Variants in AKAP4 observed in about 807,000 individuals in gnomAD.
The protein encoded by AKAP4 is A-kinase anchoring protein 4.
In AKAP4, 4 loss-of-function variants were observed where a neutral mutation model predicts 42.6. The observed-to-expected ratio is 0.09, with a 90% CI of 0.05 to 0.22. The LOEUF (loss-of-function observed/expected upper bound fraction) is 0.22, where lower values mean the gene tolerates loss of function less well. Ranked by LOEUF, AKAP4 falls within the 10% of genes least tolerant of loss-of-function variation. The probability of loss-of-function intolerance (pLI) is 1.00; values close to 1 mark genes in which losing one functional copy is unlikely to be tolerated. For missense variants in AKAP4, 551 were observed against 630.7 expected (o/e 0.87, Z 1.35); for synonymous variants, 223 against 233.0 (o/e 0.96, Z 0.39).
chrX:50,193,070 G>C lies in AKAP4; in HGVS notation c.1643C>G (p.Ala548Gly), dbSNP rs1557203899. The C allele has an allele frequency of 1.7e-6, 2 of 1,211,843 alleles. No individual in the cohort carries two copies. The highest frequency in any genetic ancestry group is 4.3e-5 in the Admixed American group (2 of 46,027). The part of the protein sequence containing the change: ...DSLAKDLIVS[A>G]LKLIQYHLTQ... The stretch of plus-strand genomic sequence containing the variant: ...CAGATGGTACTGGATCAGCTTAAGG[G>C]CAGAGACAATCAGGTCCTTGGCCAG... The change falls in exon 5 of 6, where the codon GCC becomes GGC. Residue 548 changes from alanine to glycine, a missense_variant. Transcript: ENST00000358526.
Position 50,193,952 on chromosome X carries a change from G to A in AKAP4, c.761C>T (p.Ser254Phe). 1 of 1,211,520 alleles carries A rather than the reference G, an allele frequency of 8.3e-7. No homozygotes were observed. Among genetic ancestry groups the A allele is most frequent in the East Asian group, 3.0e-5 (1 of 33,829 alleles). ...SKCLHHSICPSPGNKERISPR... is the reference protein window; with the variant it reads ...SKCLHHSICPFPGNKERISPR... ...ACTGATTCTCTCTTTGTTCCCAGGGGATGGACAGATTGAATGATGAAGGCA... is the reference window on the plus strand; with the variant it reads ...ACTGATTCTCTCTTTGTTCCCAGGGAATGGACAGATTGAATGATGAAGGCA... The change falls in exon 5 of 6, where the codon TCC becomes TTC. Residue 254 changes from serine (S) to phenylalanine (F), a missense_variant. By Grantham distance (155) the Ser-to-Phe change is radical (BLOSUM62 -2). Coordinates refer to ENST00000358526, the MANE Select transcript of AKAP4 (RefSeq NM_003886.3).
intron 1 of AKAP4, chrX:50,200,110 A>G (rs1935244499): frequency 2.1e-6 from 1 of 468,104 alleles, no homozygotes; most frequent in South Asian, 1.1e-4. Flanking sequence ...CAAGAGCTAC[A>G]TAGGGAACAC....
At chrX:50,197,649 T>C in intron 2 of AKAP4, 55 bp from the exon 3 acceptor site, 1 of 1,067,798 alleles carries the variant, frequency 9.4e-7, no homozygotes, top group Non-Finnish European at 1.3e-6. Flanking sequence ...GGGGCATAAT[T>C]TCTCTTTCTT....
At chrX:50,191,809 G>A (rs958914432) in intron 5 of AKAP4, among the ~76,000 whole-genome samples, 6 of 110,341 alleles carry the variant, frequency 5.4e-5, no homozygotes, top group African/African-American at 2.0e-4. Context: ...AAGGAGACAG[G>A]ACTCTCAGGG....
intron 4 of AKAP4, among the ~76,000 whole-genome samples, chrX:50,195,822 C>A (rs1935183448): frequency 9.0e-6 from 1 of 110,542 alleles, no homozygotes; most frequent in Admixed American, 9.7e-5. Context: ...TATGTGTATA[C>A]CTATGCCTGT....
Position 50,193,870 on chromosome X carries a change from C to T in AKAP4, c.843G>A (p.Leu281=), listed in dbSNP as rs782543369. Residue 281 remains leucine (L), a synonymous_variant, in exon 5 of 6, where the codon CTG becomes CTA. Coordinates refer to ENST00000358526, the MANE Select transcript of AKAP4 (RefSeq NM_003886.3). ...CAGTGCCACGCATTTCTGCAGCTGT[C>T]AGTTCCACAGCTTCATAGGCCATTT... ...ASEMAYEAVE[L]TAAEMRGTGE... is the part of the protein sequence containing the mutation. 1.2e-5 allele frequency: 15 copies of T among 1,211,753 alleles called. No individual in the cohort carries two copies. The highest frequency in any genetic ancestry group is 1.7e-5 in the Non-Finnish European group (15 of 895,413).
At position 50,196,989 on chromosome X, in the gene AKAP4, C is replaced by G; in HGVS notation, c.178G>C (p.Ala60Pro). ...TTGCCTTCTGAGCTGGAACTAGCAG[C>G]ATCCTATGGAATTAAAGGGTGAGAT... The part of the protein sequence containing the change: ...LNVEDKDYKD[A>P]ASSSSEGNLN... The change falls in exon 4 of 6, where the codon GCT becomes CCT. Residue 60 changes from alanine to proline, a missense_variant. Coordinates refer to ENST00000358526, the MANE Select transcript of AKAP4 (RefSeq NM_003886.3). The G allele has an allele frequency of 8.4e-7, 1 of 1,188,445 alleles. No homozygotes were observed. Among genetic ancestry groups the G allele is most frequent in the Non-Finnish European group, 1.1e-6 (1 of 874,342 alleles).
At position 50,190,983 on chromosome X, in the gene AKAP4, C is replaced by T. The variant is rs142609603; in HGVS notation, c.2542G>A (p.Asp848Asn). 37 of 1,208,210 alleles carry T rather than the reference C, an allele frequency of 3.1e-5. No individual in the cohort carries two copies. The African/African-American group carries it at 6.2e-4, about 20-fold the overall frequency. Residue 848 changes from aspartate to asparagine, a missense_variant, in exon 6 of 6, where the codon GAC becomes AAC. By Grantham distance (23) the Asp-to-Asn change is conservative (BLOSUM62 1). Coordinates refer to ENST00000358526, the MANE Select transcript of AKAP4 (RefSeq NM_003886.3). ...GCTCACAGGTTAGCGAGCAGCCAGT[C>T]CAGCAACTGTTTCCTGGCCACCTTT... ...VGKVARKQLL[D>N]WLLANL
At chrX:50,194,744 A>T (rs782644490) in intron 4 of AKAP4, among the ~76,000 whole-genome samples, 12 of 111,319 alleles carry the variant, frequency 1.1e-4, no homozygotes, top group Admixed American at 6.7e-4. Context: ...GCATGGAAAT[A>T]TAGCAGTTCA....
intron 1 of AKAP4, chrX:50,200,476 G>T: frequency 1.6e-6 from 1 of 607,184 alleles, no homozygotes; most frequent in Non-Finnish European, 2.0e-6. Flanking sequence ...AGGTGGGCAT[G>T]TTGGCAAACT....
intron 5 of AKAP4, among the ~76,000 whole-genome samples, chrX:50,191,664 G>GAGAGAA (rs1490949426): frequency 4.5e-5 from 1 of 22,464 alleles, no homozygotes; most frequent in East Asian, 2.4e-3. Context: ...GTGTGTGAGA[G>GAGAGAA]AGAGAAAGAG....
At position 50,198,593 on chromosome X, in the gene AKAP4, C is replaced by T. The variant is rs1935220542; in HGVS notation, c.123+64G>A. The T allele has an allele frequency of 4.6e-6, 4 of 868,539 alleles. 1 individual carries two copies. Among genetic ancestry groups the T allele is most frequent in the Admixed American group, 4.9e-5 (2 of 40,776 alleles). The allele number at this position is 868,539 out of a possible 1,213,427, so 71.6% of individuals were successfully genotyped here. A position where few individuals can be genotyped will look rare whatever the true frequency, so the allele number is the denominator to read the frequency against. On this transcript the variant is annotated intron_variant, in intron 2 of 5. Transcript: ENST00000358526. ...TCGTCCATTAGTTTATCTTGGGCCC[C>T]AGGATATCTATACCCATATGCCAAT...
chrX:50,197,261 T>A lies in AKAP4; in HGVS notation c.175-269A>T, dbSNP rs186535169. On this transcript the variant is annotated intron_variant, in intron 3 of 5. Coordinates refer to ENST00000358526, the MANE Select transcript of AKAP4 (RefSeq NM_003886.3). Reference sequence around the variant, plus strand: ...CACCCTTTGGATGGGTTTTTTTTTTTAAATAAAAAAATAAAAAACAACTTT... The same window carrying A: ...CACCCTTTGGATGGGTTTTTTTTTTAAAATAAAAAAATAAAAAACAACTTT... Among the ~76,000 whole-genome samples, 429 of 109,748 alleles carry A rather than the reference T, an allele frequency of 3.9e-3. 1 individual carries two copies. Among genetic ancestry groups the A allele is most frequent in the Non-Finnish European group, 4.7e-3 (250 of 52,666 alleles).
Position 50,193,069 on chromosome X carries a change from G to C in AKAP4, c.1644C>G (p.Ala548=). 8.3e-7 allele frequency: 1 copy of C among 1,211,822 alleles called. No individual in the cohort carries two copies. Among genetic ancestry groups the C allele is most frequent in the East Asian group, 3.0e-5 (1 of 33,846 alleles). Residue 548 remains alanine (A), a synonymous_variant, in exon 5 of 6, where the codon GCC becomes GCG. Coordinates refer to ENST00000358526, the MANE Select transcript of AKAP4 (RefSeq NM_003886.3). The part of the protein sequence containing the change: ...DSLAKDLIVS[A]LKLIQYHLTQ... ...TCAGATGGTACTGGATCAGCTTAAG[G>C]GCAGAGACAATCAGGTCCTTGGCCA...
rs782746899 is a variant in AKAP4, at chrX:50,193,129, C to T, written c.1584G>A (p.Glu528=). 3.3e-6 allele frequency: 4 copies of T among 1,210,287 alleles called. No homozygotes were observed. Among genetic ancestry groups the T allele is most frequent in the African/African-American group, 3.5e-5 (2 of 57,264 alleles). ...VATKACSNKD[E]KGEKINASTD... The stretch of plus-strand genomic sequence containing the variant: ...TGGAAGCATTGATCTTTTCTCCTTT[C>T]TCATCTTTATTGCTGCATGCTTTGG... The change falls in exon 5 of 6, where the codon GAG becomes GAA. Residue 528 remains glutamate, a synonymous_variant. Transcript: ENST00000358526.
Position 50,200,914 on chromosome X carries a change from T to A in AKAP4, c.-25A>T. On this transcript the variant is annotated 5_prime_UTR_variant, in exon 1 of 6. The change creates a new upstream start codon in the 5' untranslated region. Coordinates refer to ENST00000358526, the MANE Select transcript of AKAP4 (RefSeq NM_003886.3). ...TGTAGGACCCTGGAATGATGTTTTC[T>A]TGTTGATTTGGATGCTGTGATGACT... 17 of 1,201,038 alleles carry A rather than the reference T, an allele frequency of 1.4e-5. No individual in the cohort carries two copies. The highest frequency in any genetic ancestry group is 1.9e-5 in the Non-Finnish European group (17 of 886,351).
chrX:50,198,670 T>C lies in AKAP4; in HGVS notation c.110A>G (p.Gln37Arg). Residue 37 changes from glutamine (Q) to arginine (R), a missense_variant, in exon 2 of 6, where the codon CAG (glutamine) becomes CGG (arginine). Gln to Arg is a conservative substitution (Grantham distance 43, BLOSUM62 1). Coordinates refer to ENST00000358526, the MANE Select transcript of AKAP4 (RefSeq NM_003886.3). ...TTTTTATCTTACCACTTTCCGGTCC[T>C]GATCTTGCTGTCCTTCTGGGTTGTA... The part of the protein sequence containing the change: ...DLYNPEGQQD[Q>R]DRKVICFVDV... 8.3e-7 allele frequency: 1 copy of C among 1,209,355 alleles called. No homozygotes were observed. Among genetic ancestry groups the C allele is most frequent in the Non-Finnish European group, 1.1e-6 (1 of 893,707 alleles).
rs782216204 is a variant in AKAP4, at chrX:50,192,530, G to A, written c.2183C>T (p.Ala728Val). ...GAALAELEEQ[A>V]ASANKPNFRG... ...GAAATTGGGCTTATTTGCCGAGGCTGCTTGTTCTTCCAACTCAGCAAGGGC... is the reference window on the plus strand; with the variant it reads ...GAAATTGGGCTTATTTGCCGAGGCTACTTGTTCTTCCAACTCAGCAAGGGC... The change falls in exon 5 of 6, where the codon GCA becomes GTA. Residue 728 changes from alanine to valine, a missense_variant. Physicochemically the swap from Ala to Val is moderately conservative, Grantham distance 64. Transcript: ENST00000358526. The A allele has an allele frequency of 8.3e-7, 1 of 1,211,664 alleles. No individual in the cohort carries two copies. The highest frequency in any genetic ancestry group is 1.8e-5 in the South Asian group (1 of 56,922).
chrX:50,193,427 C>T lies in AKAP4; in HGVS notation c.1286G>A (p.Arg429His), dbSNP rs200249971. Residue 429 changes from arginine to histidine, a missense_variant, in exon 5 of 6, where the codon CGC (arginine) becomes CAC (histidine). By Grantham distance (29) the Arg-to-His change is conservative (BLOSUM62 0). Transcript: ENST00000358526. ...ATDIMEAMLK[R>H]LVSALIGEEK... ...CTCACCTATAAGGGCACTGACCAAG[C>T]GCTTCAGCATGGCCTCCATGATGTC... is the stretch of plus-strand genomic sequence containing the variant. The T allele has an allele frequency of 2.0e-4, 248 of 1,210,269 alleles. No individual in the cohort carries two copies. The highest frequency in any genetic ancestry group is 1.4e-3 in the Middle Eastern group (6 of 4,375).
Sources: gnomAD v4.1 joint callset for allele counts (sites outside exome capture counted in the v4.1 genomes callset) on GRCh38, gnomAD v4.1.1 for gene constraint, MANE v1.5 for transcripts, NCBI Gene and HGNC (gene_info 2026-07-23, HGNC 2026-07-21) for gene names.